CADPS2: variants seen among roughly 807,000 people sequenced by gnomAD.
The protein encoded by CADPS2 is calcium dependent secretion activator 2.
CADPS2 carries 93 observed loss-of-function variants against 172.5 expected under a neutral mutation model. The ratio of observed to expected loss-of-function variants is 0.54; its 90% CI spans 0.46 to 0.64. CADPS2 has a LOEUF of 0.64. Among genes scored for constraint, CADPS2 ranks in the 30% least tolerant of loss-of-function variants. CADPS2 has a pLI of 0.00. For synonymous variants in CADPS2, 546 were observed against 555.2 expected (o/e 0.98, Z 0.23); for missense variants, 1,420 against 1,565.9 (o/e 0.91, Z 1.57).
In CADPS2 at chr7:122,474,280, T is replaced by C. The variant is rs1369206109; in HGVS notation, c.1998+101A>G. On this transcript the variant is annotated intron_variant, in intron 13 of 29. Transcript: ENST00000449022. ...GAGTCAGGAATAAAATGCTGGTTTA[T>C]AACAAGTATTTCTCACTTTCTAAAA... 10 of 1,249,806 alleles carry C rather than the reference T, an allele frequency of 8.0e-6. No homozygotes were observed. In the East Asian group the frequency reaches 1.4e-4, roughly 18 times the overall value. 77.4% of individuals were successfully genotyped at this position (1,249,806 alleles called of 1,614,324 possible). A position where few individuals can be genotyped will look rare whatever the true frequency, so the allele number is the denominator to read the frequency against.
At chr7:122,336,186 A>G (rs1029993397) in intron 28 of CADPS2, among the ~76,000 whole-genome samples, 1 of 152,200 alleles carries the variant, frequency 6.6e-6, no homozygotes, top group Non-Finnish European at 1.5e-5. Context: ...TTCCTTACAC[A>G]GATTTTTTTT....
chr7:122,667,113 G>A (rs1276190801), intron 2 of CADPS2, among the ~76,000 whole-genome samples: 1 of 152,090 alleles, frequency 6.6e-6, no homozygotes, highest in Admixed American at 6.5e-5. Context: ...TGTGTTCTCT[G>A]TCTTCACAGT....
chr7:122,686,366 T>C (rs1026830988), intron 2 of CADPS2, among the ~76,000 whole-genome samples: 6 of 152,160 alleles, frequency 3.9e-5, no homozygotes, highest in African/African-American at 1.4e-4. Flanking sequence ...AATGTAGTAA[T>C]AGCAGTTACT....
chr7:122,372,059 A>C (rs79165162), intron 25 of CADPS2, among the ~76,000 whole-genome samples: 1 of 152,204 alleles, frequency 6.6e-6, no homozygotes, highest in Non-Finnish European at 1.5e-5. Flanking sequence ...CTGTATTAAC[A>C]TACTTACTAT....
chr7:122,325,212 A>G (rs62473063), intron 29 of CADPS2, among the ~76,000 whole-genome samples: 16,974 of 152,110 alleles, frequency 0.11, 1,218 homozygotes, highest in Non-Finnish European at 0.15. Flanking sequence ...TTGTGAACCT[A>G]CTTCCTTCAG....
intron 17 of CADPS2, among the ~76,000 whole-genome samples, chr7:122,434,316 G>C (rs989098173): frequency 3.3e-5 from 5 of 151,450 alleles, no homozygotes; most frequent in Non-Finnish European, 5.9e-5. Flanking sequence ...CACTTTCTGG[G>C]GTCAAATATT....
rs890792342 is a variant in CADPS2, at chr7:122,416,214, A to G, written c.2477-50T>C. ...TGTTACCTTGAAAATAAAAAGCCAA[A>G]CATATTTGAAGACGTAATGATGAGA... is the stretch of plus-strand genomic sequence containing the variant. On this transcript the variant is annotated intron_variant, in intron 17 of 29. Coordinates refer to ENST00000449022, the MANE Select transcript of CADPS2 (RefSeq NM_017954.11). 15 of 1,068,162 alleles carry G rather than the reference A, an allele frequency of 1.4e-5. No homozygotes were observed. The African/African-American group carries it at 2.0e-4, about 14-fold the overall frequency. The allele number at this position is 1,068,162 out of a possible 1,614,324, so 66.2% of individuals were successfully genotyped here.
chr7:122,767,500 G>C (rs1411140404), intron 1 of CADPS2, among the ~76,000 whole-genome samples: 1 of 151,936 alleles, frequency 6.6e-6, no homozygotes, highest in Non-Finnish European at 1.5e-5. Flanking sequence ...TAAGCTTCTC[G>C]GTTGGAGAGG....
At chr7:122,410,474 T>C (rs1353167878) in intron 19 of CADPS2, among the ~76,000 whole-genome samples, 2 of 150,522 alleles carry the variant, frequency 1.3e-5, no homozygotes, top group East Asian at 3.9e-4. Context: ...TAAATATAGT[T>C]TACAACAGTG....
intron 28 of CADPS2, among the ~76,000 whole-genome samples, chr7:122,342,945 T>C (rs1163362277): frequency 6.6e-6 from 1 of 152,188 alleles, no homozygotes; most frequent in Non-Finnish European, 1.5e-5. Context: ...CACCTAACAA[T>C]ATTATTTTAG....
chr7:122,839,374 G>A (rs1397014536), intron 1 of CADPS2, among the ~76,000 whole-genome samples: 1 of 152,070 alleles, frequency 6.6e-6, no homozygotes, highest in Non-Finnish European at 1.5e-5. Flanking sequence ...CATGGGCAAG[G>A]ACTTCATGTC....
At chr7:122,366,421 A>G (rs1156728209) in intron 25 of CADPS2, among the ~76,000 whole-genome samples, 6 of 147,492 alleles carry the variant, frequency 4.1e-5, no homozygotes, top group Non-Finnish European at 8.9e-5. Flanking sequence ...TGGCCAACAT[A>G]GTGAAACCCC....
intron 1 of CADPS2, among the ~76,000 whole-genome samples, chr7:122,818,754 A>C (rs527522810): frequency 7.2e-5 from 11 of 152,246 alleles, no homozygotes; most frequent in Non-Finnish European, 1.5e-4. Flanking sequence ...TACTCTTAAA[A>C]AGGTGGCTGG....
Position 122,467,272 on chromosome 7 carries a change from A to G in CADPS2, c.2186+4103T>C, listed in dbSNP as rs968497634. The stretch of plus-strand genomic sequence containing the variant: ...TGTGTGTCATTTATACTTAATTTCT[A>G]TATAGTCACATATCTAAAACTAGAA... On this transcript the variant is annotated intron_variant, in intron 14 of 29. Transcript: ENST00000449022. Among the ~76,000 whole-genome samples the G allele has an allele frequency of 3.3e-5, 5 of 152,142 alleles. No homozygotes were observed. In the South Asian group the frequency reaches 6.2e-4, roughly 19 times the overall value.
chr7:122,648,236 A>G (rs2078768098), intron 3 of CADPS2, among the ~76,000 whole-genome samples: 1 of 152,126 alleles, frequency 6.6e-6, no homozygotes, highest in African/African-American at 2.4e-5. Context: ...TTGTGTCCAC[A>G]GAACTCTGTC....
intron 20 of CADPS2, among the ~76,000 whole-genome samples, chr7:122,401,920 GCATTTCATCTCCAAGGGTTCTCCA>G (rs1585656090): frequency 6.6e-6 from 1 of 152,080 alleles, no homozygotes; most frequent in African/African-American, 2.4e-5. Flanking sequence ...GAGGAAAACC[GCATTTCATCTCCAAGGGTTCTCCA>G]CATTTCATCT....
intron 15 of CADPS2, among the ~76,000 whole-genome samples, chr7:122,451,047 T>C (rs867097444): frequency 6.6e-6 from 1 of 152,126 alleles, no homozygotes; most frequent in Admixed American, 6.6e-5. Flanking sequence ...TGAGGGCTCC[T>C]TACCTGGTAA....
rs1159112244 is a variant in CADPS2, at chr7:122,447,543, A to ATTTTTTTTTTTTTTTTTTTTTT, written c.2288+3809_2288+3830dup. The stretch of plus-strand genomic sequence containing the variant: ...CCATGTTGATTTCTTGTTTCGGGGA[A>ATTTTTTTTTTTTTTTTTTTTTT]TTTTTTTTTTTTTTTTTTTTTTTTT... On this transcript the variant is annotated intron_variant, in intron 15 of 29. Transcript: ENST00000449022. Among the ~76,000 whole-genome samples, 289 of 89,788 alleles carry ATTTTTTTTTTTTTTTTTTTTTT rather than the reference A, an allele frequency of 3.2e-3. 47 individuals are homozygous for ATTTTTTTTTTTTTTTTTTTTTT. The highest frequency in any genetic ancestry group is 9.6e-3 in the Middle Eastern group (1 of 104). The allele number at this position is 89,788 out of a possible 152,430, so 58.9% of individuals were successfully genotyped here.
chr7:122,597,380 C>G (rs2071985576), intron 6 of CADPS2, among the ~76,000 whole-genome samples: 1 of 152,050 alleles, frequency 6.6e-6, no homozygotes, highest in African/African-American at 2.4e-5. Flanking sequence ...TTTACCTGAG[C>G]ACTGCTGCTA....
Sources: allele counts gnomAD v4.1 joint callset (sites outside exome capture counted in the v4.1 genomes callset), GRCh38; gene constraint gnomAD v4.1.1; transcripts MANE v1.5; gene names NCBI Gene and HGNC (gene_info 2026-07-23, HGNC 2026-07-21).